The following SSBP4 variants were observed in gnomAD, a reference collection of about 807,000 sequenced individuals.
SSBP4 encodes single stranded DNA binding protein 4.
SSBP4 carries 33 observed loss-of-function variants against 64.6 expected under a neutral mutation model. The ratio of observed to expected loss-of-function variants is 0.51; its 90% CI spans 0.39 to 0.68. The LOEUF is 0.68. Among genes scored for constraint, SSBP4 ranks in the 30% least tolerant of loss-of-function variants. The pLI is 0.00. For missense variants in SSBP4, 583 were observed against 566.8 expected (o/e 1.03, Z -0.29); for synonymous variants, 243 against 224.0 (o/e 1.08, Z -0.76).
intron 1 of SSBP4, among the ~76,000 whole-genome samples, chr19:18,424,785 T>A (rs971588437): frequency 6.8e-6 from 1 of 147,922 alleles, no homozygotes; most frequent in Non-Finnish European, 1.5e-5. Flanking sequence ...CTCACACAGG[T>A]GCACGCCTGT....
At position 18,427,154 on chromosome 19, in the gene SSBP4, C is replaced by T. The variant is rs565170356; in HGVS notation, c.60-197C>T. On this transcript the variant is annotated intron_variant, in intron 1 of 17. Coordinates refer to ENST00000270061, the MANE Select transcript of SSBP4 (RefSeq NM_032627.5). The surrounding 1 kb of genome is among the most constrained non-coding windows in gnomAD (Gnocchi z 4.4). ...TCCTCGAGGGAGCGTGGAACACAGC[C>T]GAATTCGGCCCGGAATTGGGGGTCA... Among the ~76,000 whole-genome samples, 2 of 152,284 alleles carry T rather than the reference C, an allele frequency of 1.3e-5. No homozygotes were observed. Among genetic ancestry groups the T allele is most frequent in the East Asian group, 1.9e-4 (1 of 5,182 alleles).
In SSBP4 at chr19:18,427,890, G is replaced by A; in HGVS notation, c.195-8G>A. ...CGTGGAGCAACCATCTTCCCCTTTG[G>A]CCCACAGCGTCTTCTGGGACCTGTA... On this transcript the variant is annotated splice_polypyrimidine_tract_variant and splice_region_variant and intron_variant, in intron 3 of 17. Transcript: ENST00000270061. This position sits in a 1 kb window ranked among gnomAD's most constrained non-coding sequence, Gnocchi z 4.4. The A allele has an allele frequency of 6.2e-7, 1 of 1,614,078 alleles. No individual in the cohort carries two copies. The highest frequency in any genetic ancestry group is 8.5e-7 in the Non-Finnish European group (1 of 1,179,992).
At position 18,419,414 on chromosome 19, in the gene SSBP4, C is replaced by G. The variant is rs1291440723; in HGVS notation, c.-235C>G. 9.2e-5 allele frequency: 96 copies of G among 1,038,006 alleles called. No individual in the cohort carries two copies. The highest frequency in any genetic ancestry group is 1.1e-4 in the Non-Finnish European group (96 of 866,276). The allele number at this position is 1,038,006 out of a possible 1,614,324, so 64.3% of individuals were successfully genotyped here. ...GGAGCGCGCGTTTCCCGGAACAGCC[C>G]GCGCGGAGGAAAGGGAGGAAAAAAA... On this transcript the variant is annotated 5_prime_UTR_variant, in exon 1 of 18. Coordinates refer to ENST00000270061, the MANE Select transcript of SSBP4 (RefSeq NM_032627.5).
At chr19:18,433,483 CG>C in intron 15 of SSBP4, 101 bp from the exon 16 acceptor site, 1 of 908,610 alleles carries the variant, frequency 1.1e-6, no homozygotes, top group South Asian at 2.0e-5. Flanking sequence ...GGGGCGGGGG[CG>C]CGTCGGCGGG....
intron 9 of SSBP4, 32 bp downstream of exon 9, chr19:18,432,102 C>T (rs577668457): frequency 1.9e-5 from 30 of 1,603,800 alleles, no homozygotes; most frequent in Middle Eastern, 1.7e-4. Context: ...GTGGGGCCTT[C>T]GGGCTGTCCC....
intron 16 of SSBP4, 28 bp downstream of exon 16, chr19:18,433,641 TGG>T (rs1305483155): frequency 1.5e-6 from 1 of 659,412 alleles, no homozygotes; most frequent in African/African-American, 6.8e-5. Context: ...TTGCCGGGGG[TGG>T]GATCCGGGGG....
At chr19:18,431,513 C>T in intron 6 of SSBP4, 95 bp downstream of exon 6, 2 of 1,332,208 alleles carry the variant, frequency 1.5e-6, no homozygotes, top group Non-Finnish European at 2.1e-6. Flanking sequence ...TGGCTGGTGC[C>T]AGCTGGCCGG....
chr19:18,419,222 G>T, upstream of SSBP4: 1 of 987,998 alleles, frequency 1.0e-6, no homozygotes, highest in Non-Finnish European at 1.2e-6. Context: ...GGCCGTCCGG[G>T]ATCCTGACCC....
At position 18,433,721 on chromosome 19, in the gene SSBP4, C is replaced by A; in HGVS notation, c.1032C>A (p.Gly344=). Residue 344 remains glycine (G), a synonymous_variant, in exon 17 of 18, where the codon GGC becomes GGA. Coordinates refer to ENST00000270061, the MANE Select transcript of SSBP4 (RefSeq NM_032627.5). ...DMDGLPKSSP[G]AVAGLSNAPG... ...GCGGCCGCCCCCAGAGTTCCCCCGG[C>A]GCCGTGGCCGGCCTGAGCAACGCCC... 2 of 1,427,210 alleles carry A rather than the reference C, an allele frequency of 1.4e-6. No individual in the cohort carries two copies. Among genetic ancestry groups the A allele is most frequent in the South Asian group, 1.5e-5 (1 of 68,730 alleles). The allele number at this position is 1,427,210 out of a possible 1,614,324, so 88.4% of individuals were successfully genotyped here. A position where few individuals can be genotyped will look rare whatever the true frequency, so the allele number is the denominator to read the frequency against.
At position 18,427,540 on chromosome 19, in the gene SSBP4, G is replaced by C. The variant is rs949678364; in HGVS notation, c.132+117G>C. Reference sequence around the variant, plus strand: ...TGCCCCTCTGATGGCCCTGGGAACTGAGGGCTCTGCAGGGTCCAGGCCCTG... The same window carrying C: ...TGCCCCTCTGATGGCCCTGGGAACTCAGGGCTCTGCAGGGTCCAGGCCCTG... On this transcript the variant is annotated intron_variant, in intron 2 of 17. Transcript: ENST00000270061. This position sits in a 1 kb window ranked among gnomAD's most constrained non-coding sequence, Gnocchi z 4.4. 7.4e-7 allele frequency: 1 copy of C among 1,359,708 alleles called. No homozygotes were observed. The highest frequency in any genetic ancestry group is 1.0e-6 in the Non-Finnish European group (1 of 994,518). 84.2% of individuals were successfully genotyped at this position (1,359,708 alleles called of 1,614,324 possible).
the SSBP4 span, among the ~76,000 whole-genome samples, chr19:18,407,039 T>C: frequency 5.3e-4 from 80 of 152,098 alleles, no homozygotes; most frequent in African/African-American, 1.9e-3. Context: ...ATTTTATTAT[T>C]ATTATTATTA....
Position 18,432,149 on chromosome 19 carries a change from C to T in SSBP4, c.639C>T (p.Ser213=). 5.0e-6 allele frequency: 8 copies of T among 1,613,228 alleles called. No homozygotes were observed. The highest frequency in any genetic ancestry group is 6.8e-6 in the Non-Finnish European group (8 of 1,179,976). Residue 213 remains serine (S), a splice_region_variant and synonymous_variant, in exon 10 of 18, where the codon AGC becomes AGT. Coordinates refer to ENST00000270061, the MANE Select transcript of SSBP4 (RefSeq NM_032627.5). ...PRGMASVGPQ[S]YGGGMRPPPN... ...TCACAGCCCCTTTGCCTCCGCAGAG[C>T]TATGGAGGTGGCATGCGACCCCCAC...
intron 15 of SSBP4, 73 bp downstream of exon 15, chr19:18,433,286 G>T (rs538422723): frequency 1.3e-6 from 2 of 1,509,026 alleles, no homozygotes. Context: ...TCCCCCTGCC[G>T]TCAGCCCGCC....
At position 18,426,838 on chromosome 19, in the gene SSBP4, A is replaced by G. The variant is rs1411469403; in HGVS notation, c.60-513A>G. Among the ~76,000 whole-genome samples, 1 of 152,080 alleles carries G rather than the reference A, an allele frequency of 6.6e-6. No individual in the cohort carries two copies. The highest frequency in any genetic ancestry group is 1.5e-5 in the Non-Finnish European group (1 of 67,970). On this transcript the variant is annotated intron_variant, in intron 1 of 17. Transcript: ENST00000270061. This position sits in a 1 kb window ranked among gnomAD's most constrained non-coding sequence, Gnocchi z 4.5. ...TGCCCTGACTGGGGACAGTCTGCAG[A>G]AAGGGTTGAGGCCACCATGGTGGAT...
chr19:18,427,821 C>G lies in SSBP4; in HGVS notation c.194+8C>G. 1 of 1,612,152 alleles carries G rather than the reference C, an allele frequency of 6.2e-7. No homozygotes were observed. Among genetic ancestry groups the G allele is most frequent in the Non-Finnish European group, 8.5e-7 (1 of 1,178,498 alleles). ...CCTGCACTCCTGGTGGTGGTACGGG[C>G]TGGGCTGCTGTGGGTGGGCTGTGGA... On this transcript the variant is annotated splice_region_variant and intron_variant, in intron 3 of 17. Transcript: ENST00000270061. The surrounding 1 kb of genome is among the most constrained non-coding windows in gnomAD (Gnocchi z 4.4).
At chr19:18,422,504 T>C (rs1415564089) in intron 1 of SSBP4, among the ~76,000 whole-genome samples, 1 of 152,156 alleles carries the variant, frequency 6.6e-6, no homozygotes, top group Non-Finnish European at 1.5e-5. Flanking sequence ...AAAGAAAGCC[T>C]GGAAAACGCC....
rs1291988107 is a variant in SSBP4 at position 18,419,590 on chromosome 19, G to C, written c.-59G>C. On this transcript the variant is annotated 5_prime_UTR_variant, in exon 1 of 18. Coordinates refer to ENST00000270061, the MANE Select transcript of SSBP4 (RefSeq NM_032627.5). ...CGCGGGGTAGCTATGGCGACGGCAA[G>C]CGCGGCCCGCGGCGCCGCCTGACAG... The C allele has an allele frequency of 2.4e-6, 3 of 1,230,388 alleles. No individual in the cohort carries two copies. The highest frequency in any genetic ancestry group is 2.0e-6 in the Non-Finnish European group (2 of 982,072). 76.2% of individuals were successfully genotyped at this position (1,230,388 alleles called of 1,614,324 possible).
At chr19:18,434,066 T>C (rs913401965) in intron 17 of SSBP4, 151 bp from the exon 18 acceptor site, 53 of 1,065,944 alleles carry the variant, frequency 5.0e-5, no homozygotes, top group Admixed American at 2.3e-4. Flanking sequence ...GGCCTTCCCA[T>C]GCATCGCCCC....
Position 18,427,946 on chromosome 19 carries a change from C to T in SSBP4, c.243C>T (p.Cys81=), listed in dbSNP as rs142966883. The change falls in exon 4 of 18, where the codon TGC becomes TGT. Residue 81 remains cysteine (C), a synonymous_variant. Transcript: ENST00000270061. The surrounding 1 kb of genome is among the most constrained non-coding windows in gnomAD (Gnocchi z 4.4). ...CGGCGCCTGACAGAAGAGAGGCCTG[C>T]GAGCACTCCGGCGAGGCCAAGGCCT... The part of the protein sequence containing the change: ...YCAAPDRREA[C]EHSGEAKAFQ... The T allele has an allele frequency of 6.3e-5, 101 of 1,613,316 alleles. No homozygotes were observed. Among genetic ancestry groups the T allele is most frequent in the South Asian group, 2.1e-4 (19 of 91,076 alleles).
Sources: gnomAD v4.1 joint callset for allele counts (sites outside exome capture counted in the v4.1 genomes callset) on GRCh38, gnomAD v4.1.1 for gene constraint, Gnocchi (gnomAD v3.1) non-coding constraint, MANE v1.5 for transcripts, NCBI Gene and HGNC (gene_info 2026-07-23, HGNC 2026-07-21) for gene names.